MAPK4: variants seen among roughly 807,000 people sequenced by gnomAD.
MAPK4 encodes the protein Erk3-related.
MAPK4 carries 22 observed loss-of-function variants against 47.7 expected under a neutral mutation model. The observed-to-expected ratio is 0.46, with a 90% CI of 0.33 to 0.66. The LOEUF is 0.66. MAPK4 is among the 30% of genes least tolerant of loss of function. The pLI is 0.02. For missense variants in MAPK4, 736 were observed against 831.7 expected, an observed-to-expected ratio of 0.88 and a Z score of 1.42; for synonymous variants, 390 against 365.7, an observed-to-expected ratio of 1.07 and a Z score of -0.76.
At chr18:50,597,802 A>C (rs556775983) in intron 1 of MAPK4, among the ~76,000 whole-genome samples, 77 of 152,324 alleles carry the variant, frequency 5.1e-4, no homozygotes, top group African/African-American at 1.8e-3. Flanking sequence ...TGGGCTGCAA[A>C]ATCCTCATTT....
At chr18:50,719,113 A>T (rs538309598) in intron 3 of MAPK4, among the ~76,000 whole-genome samples, 82 of 151,964 alleles carry the variant, frequency 5.4e-4, no homozygotes, top group Non-Finnish European at 5.0e-4. Context: ...TAAAATAAAA[A>T]CAATGGCAGG....
chr18:50,722,971 A>C (rs1364288376), intron 4 of MAPK4, among the ~76,000 whole-genome samples: 1 of 152,200 alleles, frequency 6.6e-6, no homozygotes, highest in Non-Finnish European at 1.5e-5. Flanking sequence ...TTCATTATCT[A>C]AGAAATGACT....
chr18:50,715,030 G>C, intron 2 of MAPK4, 49 bp from the exon 3 acceptor site: 1 of 1,592,386 alleles, frequency 6.3e-7, no homozygotes, highest in Non-Finnish European at 8.6e-7. Context: ...GTGGGAGGAA[G>C]GGTATCCAAA....
intron 2 of MAPK4, among the ~76,000 whole-genome samples, chr18:50,713,114 G>A (rs529597068): frequency 2.2e-4 from 34 of 152,326 alleles, no homozygotes; most frequent in Admixed American, 8.5e-4. Flanking sequence ...TAGGGGCTGG[G>A]ACTAGGGGTG....
At chr18:50,689,109 A>G (rs1467911852) in intron 2 of MAPK4, among the ~76,000 whole-genome samples, 1 of 143,920 alleles carries the variant, frequency 6.9e-6, no homozygotes, top group Non-Finnish European at 1.5e-5. Flanking sequence ...AAATATAAAA[A>G]ATTATCCCAG....
At chr18:50,641,305 G>C (rs142726541) in intron 1 of MAPK4, among the ~76,000 whole-genome samples, 2,681 of 152,176 alleles carry the variant, frequency 0.018, 79 homozygotes, top group African/African-American at 0.061. Flanking sequence ...TACCTTTCTT[G>C]GGTCTCAGTT....
At chr18:50,620,612 A>G (rs1347931490) in intron 1 of MAPK4, among the ~76,000 whole-genome samples, 2 of 152,164 alleles carry the variant, frequency 1.3e-5, no homozygotes, top group African/African-American at 4.8e-5. Context: ...TTTTTTTAAA[A>G]TTATAGCACA....
chr18:50,636,380 G>T (rs1478112159), intron 1 of MAPK4, among the ~76,000 whole-genome samples: 1 of 152,208 alleles, frequency 6.6e-6, no homozygotes, highest in Non-Finnish European at 1.5e-5. Flanking sequence ...TTTATCCCCA[G>T]TTCCGAGCAA....
At chr18:50,708,939 A>G (rs1910206971) in intron 2 of MAPK4, among the ~76,000 whole-genome samples, 1 of 152,184 alleles carries the variant, frequency 6.6e-6, no homozygotes, top group African/African-American at 2.4e-5. Context: ...GTTAATCCAT[A>G]TAAAGCAGAT....
intron 1 of MAPK4, among the ~76,000 whole-genome samples, chr18:50,608,199 C>T (rs1347710874): frequency 6.6e-6 from 1 of 152,182 alleles, no homozygotes; most frequent in Non-Finnish European, 1.5e-5. Context: ...CTCATTCTCC[C>T]CCTGCTCCTC....
At chr18:50,606,067 G>C (rs1307810961) in intron 1 of MAPK4, among the ~76,000 whole-genome samples, 1 of 151,488 alleles carries the variant, frequency 6.6e-6, no homozygotes, top group South Asian at 2.1e-4. Context: ...GGTGGCGGGG[G>C]CGGGGGTGGC....
At chr18:50,708,716 T>C (rs11665501) in intron 2 of MAPK4, among the ~76,000 whole-genome samples, 53,984 of 151,946 alleles carry the variant, frequency 0.36, 10,172 homozygotes, top group African/African-American at 0.49. Context: ...CCTGGCAGCC[T>C]TAGAAGTCTC....
chr18:50,615,203 G>GC (rs1446932930), intron 1 of MAPK4, among the ~76,000 whole-genome samples: 1 of 152,158 alleles, frequency 6.6e-6, no homozygotes, highest in African/African-American at 2.4e-5. Context: ...AATTGTGTTG[G>GC]GGGGGGAGAT....
Position 50,654,941 on chromosome 18 carries a change from C to T in MAPK4, c.-870-8148C>T, listed in dbSNP as rs146265064. On this transcript the variant is annotated intron_variant, in intron 1 of 5. Transcript: ENST00000400384. Reference sequence around the variant, plus strand: ...AAAGGAAAACAGAGCAAAGCCTGAACGCTCCTGGAGTTTGCTCTTTGGGGA... The same window carrying T: ...AAAGGAAAACAGAGCAAAGCCTGAATGCTCCTGGAGTTTGCTCTTTGGGGA... Among the ~76,000 whole-genome samples, 12 of 152,328 alleles carry T rather than the reference C, an allele frequency of 7.9e-5. No homozygotes were observed. In the East Asian group the frequency reaches 1.4e-3, roughly 17 times the overall value.
At chr18:50,579,543 C>T (rs1225926013) in intron 1 of MAPK4, among the ~76,000 whole-genome samples, 1 of 152,118 alleles carries the variant, frequency 6.6e-6, no homozygotes, top group Non-Finnish European at 1.5e-5. Flanking sequence ...TTGTTCTCTG[C>T]CTGTTCTGTT....
chr18:50,607,606 G>A (rs1300991278), intron 1 of MAPK4, among the ~76,000 whole-genome samples: 1 of 152,182 alleles, frequency 6.6e-6, no homozygotes, highest in Non-Finnish European at 1.5e-5. Flanking sequence ...GGACGAATTG[G>A]GTTACCAGTT....
At position 50,608,339 on chromosome 18, in the gene MAPK4, G is replaced by A. The variant is rs149002707; in HGVS notation, c.-871+48096G>A. On this transcript the variant is annotated intron_variant, in intron 1 of 5. Coordinates refer to ENST00000400384, the MANE Select transcript of MAPK4 (RefSeq NM_002747.4). ...CAATTATAATTTATAACTTCACTAG[G>A]CCATGTGATAGCAAGTCAGTGAGTA... is the stretch of plus-strand genomic sequence containing the variant. Among the ~76,000 whole-genome samples the A allele has an allele frequency of 3.0e-3, 453 of 152,294 alleles. 1 individual carries two copies. The highest frequency in any genetic ancestry group is 6.8e-3 in the Middle Eastern group (2 of 292).
chr18:50,652,324 G>T (rs16952325), intron 1 of MAPK4, among the ~76,000 whole-genome samples: 2 of 152,282 alleles, frequency 1.3e-5, no homozygotes, highest in African/African-American at 2.4e-5. Flanking sequence ...ATGATTTCTT[G>T]TTGCCTCTGA....
At chr18:50,654,032 G>A (rs1397734127) in intron 1 of MAPK4, among the ~76,000 whole-genome samples, 1 of 152,212 alleles carries the variant, frequency 6.6e-6, no homozygotes, top group East Asian at 1.9e-4. Context: ...AGTCATGACT[G>A]ATTATCAATG....
Sources: allele counts gnomAD v4.1 joint callset (sites outside exome capture counted in the v4.1 genomes callset), GRCh38; gene constraint gnomAD v4.1.1; transcripts MANE v1.5; gene names NCBI Gene and HGNC (gene_info 2026-07-23, HGNC 2026-07-21).